Variants in COL6A1 observed in about 807,000 individuals in gnomAD.
The protein encoded by COL6A1 is collagen type VI alpha 1 chain, also known as collagen alpha-1(VI) chain.
Under a neutral mutation model 145.6 loss-of-function variants are expected in COL6A1, and 80 were observed. The observed-to-expected ratio is 0.55, with a 90% CI of 0.46 to 0.66. The LOEUF (loss-of-function observed/expected upper bound fraction) is 0.66, where lower values mean the gene tolerates loss of function less well. Ranked by LOEUF, COL6A1 falls within the 30% of genes least tolerant of loss-of-function variation. The pLI is 0.00. For synonymous variants in COL6A1, 638 were observed against 622.8 expected (o/e 1.02, Z -0.36); for missense variants, 1,364 against 1,473.8 (o/e 0.93, Z 1.22).
chr21:46,003,800 C>A lies in COL6A1; in HGVS notation c.2874C>A (p.Ala958=). The A allele has an allele frequency of 6.2e-7, 1 of 1,609,044 alleles. No individual in the cohort carries two copies. Among genetic ancestry groups the A allele is most frequent in the Non-Finnish European group, 8.5e-7 (1 of 1,176,748 alleles). ...CCACGCCCGCTGCCATCGAGAAGGCCGTGCAGGAAGCCCAGCGGGCAGGCA... is the reference window on the plus strand; with the variant it reads ...CCACGCCCGCTGCCATCGAGAAGGCAGTGCAGGAAGCCCAGCGGGCAGGCA... ...QGATPAAIEK[A]VQEAQRAGIE... The change falls in exon 35 of 35, where the codon GCC becomes GCA. Residue 958 remains alanine, a synonymous_variant. Coordinates refer to ENST00000361866, the MANE Select transcript of COL6A1 (RefSeq NM_001848.3).
At chr21:45,999,501 C>T in intron 26 of COL6A1, 156 bp from the exon 27 acceptor site, 2 of 891,292 alleles carry the variant, frequency 2.2e-6, no homozygotes, top group Non-Finnish European at 3.6e-6. Flanking sequence ...GCTGCCCTCA[C>T]AGCACCGTCA....
intron 3 of COL6A1, among the ~76,000 whole-genome samples, chr21:45,984,759 CAGACAGAGACAAACAG>C (rs1030723664): frequency 1.3e-5 from 2 of 149,430 alleles, no homozygotes; most frequent in African/African-American, 2.5e-5. Flanking sequence ...CCAAGACAGG[CAGACAGAGACAAACAG>C]AGACAGAGAC....
Position 45,989,135 on chromosome 21 carries a change from C to T in COL6A1, c.856C>T (p.Pro286Ser), listed in dbSNP as rs768376190. The stretch of plus-strand genomic sequence containing the variant: ...AGGAGAGAAGGGAGAAGCCGGAGAT[C>T]CTGTGAGTGCCTGACTGTGGGGTGG... ...LPGEKGEAGD[P>S]GRPGDLGPVG... is the part of the protein sequence containing the mutation. The change falls in exon 9 of 35, where the codon CCT becomes TCT. Residue 286 changes from proline (P) to serine (S), a missense_variant and splice_region_variant. Pro to Ser is a moderately conservative substitution (Grantham distance 74). This residue lies in a region of COL6A1 where 414 missense variants were observed against 437.6 expected (regional missense o/e 0.95). Transcript: ENST00000361866. The T allele has an allele frequency of 6.2e-7, 1 of 1,605,784 alleles. No homozygotes were observed. The highest frequency in any genetic ancestry group is 8.5e-7 in the Non-Finnish European group (1 of 1,177,038).
chr21:46,000,618 G>A (rs2077838110), intron 28 of COL6A1, 141 bp from the exon 29 acceptor site: 1 of 1,401,214 alleles, frequency 7.1e-7, no homozygotes, highest in African/African-American at 1.4e-5. Context: ...GGGGAGGCGG[G>A]GCAGGAGGCC....
chr21:46,001,182 G>A, intron 29 of COL6A1, 71 bp from the exon 30 acceptor site: 1 of 1,574,962 alleles, frequency 6.3e-7, no homozygotes, highest in Non-Finnish European at 8.6e-7. Flanking sequence ...GAGGGGCCAG[G>A]GCGGTGGAGG....
intron 15 of COL6A1, among the ~76,000 whole-genome samples, chr21:45,991,283 C>T (rs932688875): frequency 6.6e-6 from 1 of 152,236 alleles, no homozygotes; most frequent in African/African-American, 2.4e-5. Context: ...GCCTTCAGGC[C>T]TCCGCCATTC....
At chr21:46,003,242 G>A (rs2077859493) in intron 34 of COL6A1, 93 bp downstream of exon 34, 1 of 1,607,506 alleles carries the variant, frequency 6.2e-7, no homozygotes, top group Non-Finnish European at 8.5e-7. Flanking sequence ...GGAGGGCCTG[G>A]CGGTCACGAG....
chr21:45,986,772 C>T, intron 4 of COL6A1, 87 bp downstream of exon 4: 1 of 1,520,118 alleles, frequency 6.6e-7, no homozygotes, highest in Non-Finnish European at 8.8e-7. Context: ...GTCTTTTGGT[C>T]CTCGGGAGGG....
intron 30 of COL6A1, among the ~76,000 whole-genome samples, chr21:46,001,686 G>A (rs1302058871): frequency 1.3e-5 from 2 of 152,160 alleles, no homozygotes; most frequent in Non-Finnish European, 2.9e-5. Context: ...CAGAACCCAG[G>A]AGGGCTTCAT....
At position 46,004,228 on chromosome 21, in the gene COL6A1, C is replaced by G. The variant is rs1208577614; in HGVS notation, c.*215C>G. The G allele has an allele frequency of 1.6e-6, 1 of 640,378 alleles. No homozygotes were observed. Among genetic ancestry groups the G allele is most frequent in the Non-Finnish European group, 2.7e-6 (1 of 373,832 alleles). The allele number at this position is 640,378 out of a possible 1,614,324, so 39.7% of individuals were successfully genotyped here. The stretch of plus-strand genomic sequence containing the variant: ...GTTGGCATCACCTGCGCAGGGCCCT[C>G]TGGGGCTCAGCCCTGAGCTAGTGTC... On this transcript the variant is annotated 3_prime_UTR_variant, in exon 35 of 35. Transcript: ENST00000361866.
intron 8 of COL6A1, among the ~76,000 whole-genome samples, chr21:45,988,783 C>T (rs1257187990): frequency 6.6e-6 from 1 of 152,168 alleles, no homozygotes; most frequent in African/African-American, 2.4e-5. Flanking sequence ...GGGCCCGAGT[C>T]CCATGGCCAT....
intron 24 of COL6A1, 78 bp downstream of exon 24, chr21:45,998,511 CAT>C (rs1158310624): frequency 3.4e-5 from 54 of 1,579,404 alleles, no homozygotes; most frequent in South Asian, 1.1e-4. Flanking sequence ...TGTGAACACA[CAT>C]GTGCACACAG....
chr21:45,982,860 T>G, intron 2 of COL6A1, 97 bp downstream of exon 2: 1 of 1,540,356 alleles, frequency 6.5e-7, no homozygotes, highest in East Asian at 2.3e-5. Flanking sequence ...GGCCTCAACC[T>G]CCTAAGGTTG....
chr21:45,991,056 G>GC lies in COL6A1; in HGVS notation c.1119+19dup, dbSNP rs750949530. 6.2e-7 allele frequency: 1 copy of GC among 1,613,118 alleles called. No homozygotes were observed. On this transcript the variant is annotated intron_variant, in intron 15 of 34. Transcript: ENST00000361866. ...AAGGAGAAAAGGTGAGTGACTTGCG[G>GC]CCCCTGGAGGACCAGGGCCTTCACG... is the stretch of plus-strand genomic sequence containing the variant.
chr21:45,988,668 C>G (rs1426792559), intron 8 of COL6A1, among the ~76,000 whole-genome samples: 1 of 152,130 alleles, frequency 6.6e-6, no homozygotes, highest in African/African-American at 2.4e-5. Context: ...CATAGGATGA[C>G]CTTAAACGTT....
intron 8 of COL6A1, among the ~76,000 whole-genome samples, chr21:45,988,775 G>A (rs1017624373): frequency 6.6e-6 from 1 of 152,166 alleles, no homozygotes; most frequent in Non-Finnish European, 1.5e-5. Context: ...GCAGCTGTGG[G>A]CCCGAGTCCC....
intron 15 of COL6A1, 51 bp downstream of exon 15, chr21:45,991,092 C>T (rs766754309): frequency 4.4e-6 from 7 of 1,591,596 alleles, no homozygotes; most frequent in Admixed American, 3.3e-5. Flanking sequence ...GTTGGCCAAG[C>T]GCTGAATTGG....
At chr21:45,998,848 A>G (rs1285975795) in intron 24 of COL6A1, 49 bp from the exon 25 acceptor site, 59 of 1,544,024 alleles carry the variant, frequency 3.8e-5, no homozygotes, top group Admixed American at 3.3e-4. Context: ...TCCACTTCCT[A>G]AAAACAAAAT....
intron 3 of COL6A1, 89 bp from the exon 4 acceptor site, chr21:45,986,437 A>C: frequency 7.3e-7 from 1 of 1,363,012 alleles, no homozygotes; most frequent in Non-Finnish European, 1.0e-6. Context: ...TCCCGGTGAG[A>C]CAGGGACCAG....
Sources: allele counts gnomAD v4.1 joint callset (sites outside exome capture counted in the v4.1 genomes callset), GRCh38; gene constraint gnomAD v4.1.1; regional missense constraint gnomAD v4.1.1; transcripts MANE v1.5; gene names NCBI Gene and HGNC (gene_info 2026-07-23, HGNC 2026-07-21).